SPOCK3: variants seen among roughly 807,000 people sequenced by gnomAD.
SPOCK3 encodes testican-3.
SPOCK3 carries 30 observed loss-of-function variants against 56.6 expected under a neutral mutation model. The ratio of observed to expected loss-of-function variants is 0.53; its 90% CI spans 0.40 to 0.72. The LOEUF is 0.72. Ranked by LOEUF, SPOCK3 falls within the 30% of genes least tolerant of loss-of-function variation. The pLI, the probability that SPOCK3 is intolerant of heterozygous loss-of-function variation, is 0.00. For missense variants in SPOCK3, 527 were observed against 530.0 expected, an observed-to-expected ratio of 0.99 and a Z score of 0.06; for synonymous variants, 196 against 183.3, an observed-to-expected ratio of 1.07 and a Z score of -0.56.
At chr4:167,112,344 T>C (rs1364067185) in intron 2 of SPOCK3, among the ~76,000 whole-genome samples, 1 of 152,156 alleles carries the variant, frequency 6.6e-6, no homozygotes, top group Non-Finnish European at 1.5e-5. Flanking sequence ...TGTCAGTTTT[T>C]TAAATATAAA....
At chr4:167,179,329 C>T (rs1331918735) in intron 2 of SPOCK3, among the ~76,000 whole-genome samples, 1 of 152,134 alleles carries the variant, frequency 6.6e-6, no homozygotes, top group Non-Finnish European at 1.5e-5. Context: ...TGCTGCAGAG[C>T]CTGTGTCCCG....
chr4:167,140,602 T>A (rs1763452402), intron 2 of SPOCK3, among the ~76,000 whole-genome samples: 1 of 151,978 alleles, frequency 6.6e-6, no homozygotes, highest in South Asian at 2.1e-4. Context: ...GACTAAAAGT[T>A]GTCACCACAA....
chr4:166,773,261 A>C (rs1045018861), intron 7 of SPOCK3, among the ~76,000 whole-genome samples: 2 of 152,224 alleles, frequency 1.3e-5, no homozygotes, highest in Admixed American at 1.3e-4. Context: ...ATACCGGAAA[A>C]TAAAGGAAAA....
chr4:166,859,595 T>A (rs1731032012), intron 6 of SPOCK3, among the ~76,000 whole-genome samples: 1 of 152,236 alleles, frequency 6.6e-6, no homozygotes, highest in South Asian at 2.1e-4. Context: ...CACACACATA[T>A]GCCAGTATAT....
intron 2 of SPOCK3, among the ~76,000 whole-genome samples, chr4:167,136,303 C>G (rs376015896): frequency 1.3e-5 from 2 of 152,062 alleles, no homozygotes; most frequent in East Asian, 3.9e-4. Flanking sequence ...GAAGATATGA[C>G]GCAAAGATTA....
At chr4:166,764,077 T>A (rs2126523558) in intron 7 of SPOCK3, among the ~76,000 whole-genome samples, 1 of 152,204 alleles carries the variant, frequency 6.6e-6, no homozygotes, top group Non-Finnish European at 1.5e-5. Context: ...GAGGACAATT[T>A]CCACCTAGCC....
At chr4:167,084,217 C>T (rs1757978125) in intron 2 of SPOCK3, among the ~76,000 whole-genome samples, 1 of 151,866 alleles carries the variant, frequency 6.6e-6, no homozygotes, top group African/African-American at 2.4e-5. Flanking sequence ...AAATGTGAAC[C>T]AGAAAAAATG....
chr4:167,025,578 A>G (rs1751624514), intron 3 of SPOCK3, among the ~76,000 whole-genome samples: 1 of 152,044 alleles, frequency 6.6e-6, no homozygotes, highest in South Asian at 2.1e-4. Context: ...TAGGTCTGTG[A>G]GAACCAAAAG....
At chr4:166,742,237 CTATCTATCTATCT>C (rs1734937054) in intron 8 of SPOCK3, among the ~76,000 whole-genome samples, 178 bp from the exon 9 acceptor site, 1 of 67,696 alleles carries the variant, frequency 1.5e-5, no homozygotes, top group Non-Finnish European at 3.0e-5. Flanking sequence ...TATCTATCAT[CTATCTATCTATCT>C]ATCTATCTAT....
At chr4:166,829,759 A>C (rs1446745498) in intron 6 of SPOCK3, among the ~76,000 whole-genome samples, 1 of 152,088 alleles carries the variant, frequency 6.6e-6, no homozygotes, top group African/African-American at 2.4e-5. Flanking sequence ...TGTGTAGCTT[A>C]TCATAACACG....
intron 6 of SPOCK3, among the ~76,000 whole-genome samples, chr4:166,842,099 C>T (rs1747452444): frequency 1.3e-5 from 2 of 152,106 alleles, no homozygotes; most frequent in African/African-American, 4.8e-5. Context: ...GTCTCCCTGG[C>T]CTTAGGAGTG....
At chr4:167,127,568 C>T (rs1305369745) in intron 2 of SPOCK3, among the ~76,000 whole-genome samples, 1 of 152,030 alleles carries the variant, frequency 6.6e-6, no homozygotes, top group Admixed American at 6.6e-5. Context: ...GCTGGGATTA[C>T]AGGCGCCTGC....
At chr4:166,948,229 T>C (rs1742030724) in intron 4 of SPOCK3, among the ~76,000 whole-genome samples, 1 of 152,130 alleles carries the variant, frequency 6.6e-6, no homozygotes, top group South Asian at 2.1e-4. Context: ...ATTGTGCATA[T>C]ATACCACATT....
At chr4:166,794,902 C>CA (rs1741759161) in intron 6 of SPOCK3, among the ~76,000 whole-genome samples, 2 of 152,126 alleles carry the variant, frequency 1.3e-5, no homozygotes, top group Non-Finnish European at 2.9e-5. Flanking sequence ...CTCGGCCTCC[C>CA]AAAGTGCTGG....
chr4:166,830,474 A>G (rs1426648461), intron 6 of SPOCK3, among the ~76,000 whole-genome samples: 1 of 152,182 alleles, frequency 6.6e-6, no homozygotes, highest in African/African-American at 2.4e-5. Context: ...TGCAGGGCGC[A>G]GTGTTTACTC....
rs576628346 is a variant in SPOCK3, at chr4:166,755,865, A to C, written c.710-1136T>G. ...AAATAATAGAAATAAAAATGTAGACACTTAGGATTAAAAATTAAATAAGAG... is the reference window on the plus strand; with the variant it reads ...AAATAATAGAAATAAAAATGTAGACCCTTAGGATTAAAAATTAAATAAGAG... On this transcript the variant is annotated intron_variant, in intron 7 of 10. Transcript: ENST00000357545. 5.1e-4 allele frequency among the ~76,000 whole-genome samples: 77 copies of C among 152,176 alleles called. 4 individuals are homozygous for C. The highest frequency in any genetic ancestry group is 1.7e-3 in the African/African-American group (69 of 41,536).
At position 166,754,695 on chromosome 4, in the gene SPOCK3, G is replaced by C. The variant is rs375521849; in HGVS notation, c.744C>G (p.Asp248Glu). ...FDTSILPICK[D>E]SLGWMFNRLD... Reference sequence around the variant, plus strand: ...GTCTGTTAAACATCCAGCCAAGTGAGTCCTTGCAAATTGGCAAGATGCTGG... The same window carrying C: ...GTCTGTTAAACATCCAGCCAAGTGACTCCTTGCAAATTGGCAAGATGCTGG... Residue 248 changes from aspartate to glutamate, a missense_variant, in exon 8 of 11, where the codon GAC becomes GAG. Physicochemically the swap from Asp to Glu is conservative, Grantham distance 45 (BLOSUM62 2). Coordinates refer to ENST00000357545, the MANE Select transcript of SPOCK3 (RefSeq NM_001040159.2). 2.4e-5 allele frequency: 38 copies of C among 1,613,548 alleles called. No individual in the cohort carries two copies. The African/African-American group carries it at 4.1e-4, about 18-fold the overall frequency.
At chr4:166,875,496 C>A (rs1182263048) in intron 6 of SPOCK3, among the ~76,000 whole-genome samples, 1 of 152,204 alleles carries the variant, frequency 6.6e-6, no homozygotes, top group East Asian at 1.9e-4. Flanking sequence ...GTATTAAATT[C>A]TATTTACCAT....
chr4:167,108,756 T>C (rs1760412138), intron 2 of SPOCK3, among the ~76,000 whole-genome samples: 1 of 150,936 alleles, frequency 6.6e-6, no homozygotes, highest in African/African-American at 2.4e-5. Context: ...CACAGAACAG[T>C]AACTGTAGTC....
Sources: gnomAD v4.1 joint callset for allele counts (sites outside exome capture counted in the v4.1 genomes callset) on GRCh38, gnomAD v4.1.1 for gene constraint, MANE v1.5 for transcripts, NCBI Gene and HGNC (gene_info 2026-07-23, HGNC 2026-07-21) for gene names.